AK5: variants seen among roughly 807,000 people sequenced by gnomAD.
The protein encoded by AK5 is adenylate kinase 5, also known as adenylate kinase isoenzyme 5.
A neutral mutation model predicts 69.5 loss-of-function variants in AK5; 27 were observed. The observed-to-expected ratio is 0.39, with a 90% CI of 0.29 to 0.54. AK5 has a LOEUF of 0.54. Ranked by LOEUF, AK5 falls within the 20% of genes least tolerant of loss-of-function variation. AK5 has a pLI of 0.71. For synonymous variants in AK5, 260 were observed against 244.4 expected (o/e 1.06, Z -0.60); for missense variants, 531 against 700.4 (o/e 0.76, Z 2.73).
At chr1:77,416,660 G>C (rs559240652) in intron 7 of AK5, among the ~76,000 whole-genome samples, 1 of 152,068 alleles carries the variant, frequency 6.6e-6, no homozygotes, top group Non-Finnish European at 1.5e-5. Context: ...GACATACCCC[G>C]ACTCATTTGG....
rs147712879 is a variant in AK5 at position 77,521,728 on chromosome 1, A to T, written c.1312-99A>T. The T allele has an allele frequency of 1.7e-5, 14 of 830,166 alleles. No individual in the cohort carries two copies. In the African/African-American group the frequency reaches 2.0e-4, roughly 12 times the overall value. The allele number at this position is 830,166 out of a possible 1,614,324, so 51.4% of individuals were successfully genotyped here. The stretch of plus-strand genomic sequence containing the variant: ...GCTGTCTGCTGTTAACCTTACCTGA[A>T]CCTTCCTCCCTCCCTCAGTGGATGA... On this transcript the variant is annotated intron_variant, in intron 11 of 13. Transcript: ENST00000354567.
chr1:77,553,792 C>T lies in AK5; in HGVS notation c.1621-4810C>T, dbSNP rs549695615. On this transcript the variant is annotated intron_variant, in intron 13 of 13. Transcript: ENST00000354567. ...ACAGGGGAGGAAACTTGAGAAGGGG[C>T]GGGAATGTGAGTTAGCAACCCCTTC... 1.5e-4 allele frequency among the ~76,000 whole-genome samples: 23 copies of T among 152,184 alleles called. No individual in the cohort carries two copies. In the South Asian group the frequency reaches 4.0e-3, roughly 26 times the overall value.
chr1:77,546,937 C>A (rs571967377), intron 13 of AK5, among the ~76,000 whole-genome samples: 1 of 152,146 alleles, frequency 6.6e-6, no homozygotes, highest in Non-Finnish European at 1.5e-5. Context: ...AAGCCACTGA[C>A]ACGTGAAAGC....
At chr1:77,472,981 C>T (rs1442724733) in intron 8 of AK5, among the ~76,000 whole-genome samples, 2 of 122,256 alleles carry the variant, frequency 1.6e-5, no homozygotes, top group Non-Finnish European at 3.7e-5. Context: ...GTTGAGCCCG[C>T]CCAGATAATC....
chr1:77,364,832 G>A (rs181386127), intron 6 of AK5, among the ~76,000 whole-genome samples: 15 of 152,216 alleles, frequency 9.9e-5, no homozygotes, highest in Admixed American at 8.5e-4. Context: ...AATAAACATG[G>A]GGGTACAGCT....
chr1:77,303,273 T>C (rs1659443848), intron 5 of AK5, among the ~76,000 whole-genome samples: 1 of 152,220 alleles, frequency 6.6e-6, no homozygotes, highest in East Asian at 1.9e-4. Context: ...CTTTACACTT[T>C]TTAAAAATTG....
At chr1:77,326,331 G>A (rs10747354) in intron 5 of AK5, among the ~76,000 whole-genome samples, 120,114 of 152,078 alleles carry the variant, frequency 0.79, 47,615 homozygotes, top group South Asian at 0.89. Context: ...TGTGAAATAG[G>A]ACTATATTAA....
chr1:77,371,842 A>G (rs1647127679), intron 6 of AK5, among the ~76,000 whole-genome samples: 1 of 152,226 alleles, frequency 6.6e-6, no homozygotes. Context: ...TCTGATACTT[A>G]TTAACACTCC....
At chr1:77,413,884 G>A (rs1270020246) in intron 7 of AK5, among the ~76,000 whole-genome samples, 1 of 152,004 alleles carries the variant, frequency 6.6e-6, no homozygotes, top group African/African-American at 2.4e-5. Context: ...TTCTCACCCA[G>A]AGCAACCCAT....
chr1:77,363,776 A>C (rs974843711), intron 6 of AK5, among the ~76,000 whole-genome samples: 1 of 152,128 alleles, frequency 6.6e-6, no homozygotes, highest in African/African-American at 2.4e-5. Context: ...TCTTTGTTCA[A>C]ATGTTACCTT....
In AK5 at chr1:77,535,686, G is replaced by C. The variant is rs181598352; in HGVS notation, c.1429-161G>C. Among the ~76,000 whole-genome samples the C allele has an allele frequency of 4.2e-3, 636 of 152,204 alleles. 3 individuals are homozygous for C. The highest frequency in any genetic ancestry group is 0.014 in the African/African-American group (576 of 41,524). On this transcript the variant is annotated intron_variant, in intron 12 of 13. Coordinates refer to ENST00000354567, the MANE Select transcript of AK5 (RefSeq NM_174858.3). ...GTGTAGAAGGGAACTGACCTGGAAG[G>C]GGGGAGCTATGGAGTCCAGTCCCAG...
chr1:77,318,534 G>A (rs1660361023), intron 5 of AK5, among the ~76,000 whole-genome samples: 1 of 152,126 alleles, frequency 6.6e-6, no homozygotes, highest in Admixed American at 6.5e-5. Context: ...AGACTATGAG[G>A]AATTTCAAGT....
chr1:77,298,728 A>G (rs1415804184), intron 5 of AK5, among the ~76,000 whole-genome samples: 2 of 151,886 alleles, frequency 1.3e-5, no homozygotes, highest in African/African-American at 4.8e-5. Flanking sequence ...GGAGGCTAAG[A>G]GAGACTGAGA....
chr1:77,367,879 TATAAA>T (rs1647023384), intron 6 of AK5, among the ~76,000 whole-genome samples: 3 of 19,596 alleles, frequency 1.5e-4, no homozygotes, highest in African/African-American at 5.4e-4. Flanking sequence ...TGATATATAA[TATAAA>T]ATATATGTGA....
chr1:77,376,433 C>CAAAAAAAAAAAAAAA lies in AK5; in HGVS notation c.892-34545_892-34531dup, dbSNP rs757594684. 5.2e-4 allele frequency among the ~76,000 whole-genome samples: 7 copies of CAAAAAAAAAAAAAAA among 13,440 alleles called. 2 individuals are homozygous for CAAAAAAAAAAAAAAA. The highest frequency in any genetic ancestry group is 1.0e-3 in the African/African-American group (4 of 3,950). 8.8% of individuals were successfully genotyped at this position (13,440 alleles called of 152,430 possible). ...GTGAGCACTTCAGTGCACTCAATGC[C>CAAAAAAAAAAAAAAA]AAAAAAAAAAAAAAAAACAAAAAAA... On this transcript the variant is annotated intron_variant, in intron 6 of 13. Transcript: ENST00000354567.
At chr1:77,481,324 C>T (rs12039708) in intron 8 of AK5, among the ~76,000 whole-genome samples, 21,091 of 152,236 alleles carry the variant, frequency 0.14, 1,977 homozygotes, top group Non-Finnish European at 0.18. Context: ...GATCCCTAAA[C>T]TCCAAGCTCT....
intron 6 of AK5, among the ~76,000 whole-genome samples, chr1:77,401,486 T>C: frequency 6.6e-6 from 1 of 151,970 alleles, no homozygotes; most frequent in East Asian, 1.9e-4. Flanking sequence ...TATATAACAC[T>C]GAAACAAAAC....
At chr1:77,389,751 C>T (rs569116661) in intron 6 of AK5, among the ~76,000 whole-genome samples, 26 of 152,212 alleles carry the variant, frequency 1.7e-4, no homozygotes, top group African/African-American at 5.1e-4. Flanking sequence ...TGCTTGAGCC[C>T]AGGAGTTCAA....
At chr1:77,496,348 T>G (rs1009430625) in intron 10 of AK5, among the ~76,000 whole-genome samples, 5 of 152,082 alleles carry the variant, frequency 3.3e-5, no homozygotes, top group South Asian at 2.1e-4. Flanking sequence ...CCAGGAGAGA[T>G]AGTATGAACT....
Sources: gnomAD v4.1 joint callset for allele counts (sites outside exome capture counted in the v4.1 genomes callset) on GRCh38, gnomAD v4.1.1 for gene constraint, MANE v1.5 for transcripts, NCBI Gene and HGNC (gene_info 2026-07-23, HGNC 2026-07-21) for gene names.